TGFBR3: variants seen among roughly 807,000 people sequenced by gnomAD.
The protein encoded by TGFBR3 is transforming growth factor beta receptor type 3.
Under a neutral mutation model 87.9 loss-of-function variants are expected in TGFBR3, and 46 were observed. The ratio of observed to expected loss-of-function variants is 0.52; its 90% CI spans 0.41 to 0.67. The LOEUF is 0.67. TGFBR3 is among the 30% of genes least tolerant of loss of function. The pLI is 0.00. For synonymous variants in TGFBR3, 381 were observed against 391.6 expected, an observed-to-expected ratio of 0.97 and a Z score of 0.32; for missense variants, 866 against 1,041.9, an observed-to-expected ratio of 0.83 and a Z score of 2.32.
chr1:91,790,499 T>C (rs561201802), intron 3 of TGFBR3, among the ~76,000 whole-genome samples: 1 of 152,212 alleles, frequency 6.6e-6, no homozygotes, highest in South Asian at 2.1e-4. Flanking sequence ...GAAAACTAAA[T>C]GACCATTTCA....
intron 4 of TGFBR3, among the ~76,000 whole-genome samples, chr1:91,735,533 T>C (rs1474840803): frequency 6.6e-6 from 1 of 152,226 alleles, no homozygotes; most frequent in Non-Finnish European, 1.5e-5. Flanking sequence ...CATTGCTCTA[T>C]TTCATAAGAG....
At chr1:91,830,404 G>A (rs1676813453) in intron 2 of TGFBR3, among the ~76,000 whole-genome samples, 1 of 152,168 alleles carries the variant, frequency 6.6e-6, no homozygotes. Context: ...TCCAGGGGGA[G>A]CTCTGTCCAC....
chr1:91,695,191 CAAA>C (rs1294305758), intron 16 of TGFBR3, among the ~76,000 whole-genome samples: 2 of 147,392 alleles, frequency 1.4e-5, no homozygotes, highest in Non-Finnish European at 3.0e-5. Flanking sequence ...TATGTTTTAT[CAAA>C]GAAGACATAG....
chr1:91,836,313 C>T (rs765592258), intron 2 of TGFBR3, among the ~76,000 whole-genome samples: 64 of 152,042 alleles, frequency 4.2e-4, no homozygotes, highest in South Asian at 2.1e-4. Flanking sequence ...TAACCTAAAA[C>T]TTAACAATTG....
chr1:91,837,917 C>T (rs559515386), intron 2 of TGFBR3, among the ~76,000 whole-genome samples: 15 of 152,316 alleles, frequency 9.8e-5, no homozygotes, highest in Admixed American at 9.8e-4. Context: ...TACATATAAC[C>T]TTCATCTTTA....
At chr1:91,726,344 T>A (rs1216316033) in intron 7 of TGFBR3, among the ~76,000 whole-genome samples, 2 of 152,146 alleles carry the variant, frequency 1.3e-5, no homozygotes, top group Non-Finnish European at 2.9e-5. Context: ...ATTAAAAACA[T>A]TTGGCCGGTG....
chr1:91,833,941 A>G (rs1246059241), intron 2 of TGFBR3, among the ~76,000 whole-genome samples: 2 of 152,202 alleles, frequency 1.3e-5, no homozygotes, highest in African/African-American at 4.8e-5. Flanking sequence ...TTCCTTAATC[A>G]TCTGCTCAGA....
chr1:91,749,714 A>G (rs1673469801), intron 4 of TGFBR3, among the ~76,000 whole-genome samples: 1 of 152,206 alleles, frequency 6.6e-6, no homozygotes, highest in Admixed American at 6.5e-5. Flanking sequence ...ATCACTGTCT[A>G]TAATTTATGA....
intron 2 of TGFBR3, among the ~76,000 whole-genome samples, chr1:91,845,323 G>T (rs1036788760): frequency 1.3e-5 from 2 of 152,210 alleles, no homozygotes; most frequent in African/African-American, 4.8e-5. Context: ...AGACGCTGAG[G>T]CCTGTCAACA....
intron 7 of TGFBR3, 60 bp from the exon 8 acceptor site, chr1:91,722,204 A>C: frequency 7.6e-7 from 1 of 1,320,570 alleles, no homozygotes; most frequent in Non-Finnish European, 1.1e-6. Flanking sequence ...TTTAGATAAT[A>C]AAAATTAAAT....
chr1:91,715,100 C>T (rs372649592), intron 12 of TGFBR3, among the ~76,000 whole-genome samples: 2 of 152,162 alleles, frequency 1.3e-5, no homozygotes, highest in African/African-American at 4.8e-5. Context: ...CAGCTGAGCA[C>T]CAAAACCAGC....
chr1:91,724,681 A>C (rs1410132825), intron 7 of TGFBR3, among the ~76,000 whole-genome samples: 1 of 152,224 alleles, frequency 6.6e-6, no homozygotes, highest in Admixed American at 6.5e-5. Context: ...AGCTTTGAGC[A>C]AATTCTCACA....
chr1:91,832,720 G>A (rs952888300), intron 2 of TGFBR3, among the ~76,000 whole-genome samples: 4 of 152,126 alleles, frequency 2.6e-5, no homozygotes, highest in Middle Eastern at 3.2e-3. Flanking sequence ...CTCTGAATCG[G>A]GGTCACGCAT....
chr1:91,816,793 T>C (rs1676243922), intron 2 of TGFBR3, among the ~76,000 whole-genome samples: 1 of 152,232 alleles, frequency 6.6e-6, no homozygotes, highest in Non-Finnish European at 1.5e-5. Flanking sequence ...TTATATACAT[T>C]CTTTCATATC....
Position 91,680,811 on chromosome 1 carries a change from G to A in TGFBR3, c.*2928C>T, listed in dbSNP as rs1670884606. Reference sequence around the variant, plus strand: ...ACACACTCACAATCATGCCCACTAAGAACACAAGCAGGAAATGGATTTACA... The same window carrying A: ...ACACACTCACAATCATGCCCACTAAAAACACAAGCAGGAAATGGATTTACA... On this transcript the variant is annotated 3_prime_UTR_variant, in exon 17 of 17. Transcript: ENST00000212355. 1 of 452,456 alleles carries A rather than the reference G, an allele frequency of 2.2e-6. No individual in the cohort carries two copies. The highest frequency in any genetic ancestry group is 1.6e-5 in the South Asian group (1 of 64,182). The allele number at this position is 452,456 out of a possible 1,614,324, so 28.0% of individuals were successfully genotyped here.
intron 2 of TGFBR3, among the ~76,000 whole-genome samples, chr1:91,859,753 C>T (rs1272998579): frequency 6.6e-6 from 1 of 151,578 alleles, no homozygotes; most frequent in African/African-American, 2.4e-5. Flanking sequence ...ACTAAAAATA[C>T]AAAAAATTAG....
chr1:91,797,318 G>A lies in TGFBR3; in HGVS notation c.215C>T (p.Ala72Val), dbSNP rs751917590. 38 of 1,614,076 alleles carry A rather than the reference G, an allele frequency of 2.4e-5. No individual in the cohort carries two copies. The highest frequency in any genetic ancestry group is 3.1e-5 in the Non-Finnish European group (37 of 1,180,034). Residue 72 changes from alanine (A) to valine (V), a missense_variant, in exon 3 of 17, where the codon GCA becomes GTA. Transcript: ENST00000212355. Reference sequence around the variant, plus strand: ...CTGTAGCTGGCCAGGCCCCTGGCCTGCAGTGCGGAGATTCAGGACATGCAC... The same window carrying A: ...CTGTAGCTGGCCAGGCCCCTGGCCTACAGTGCGGAGATTCAGGACATGCAC... ...QEVHVLNLRT[A>V]GQGPGQLQRE... is the part of the protein sequence containing the mutation.
intron 6 of TGFBR3, among the ~76,000 whole-genome samples, chr1:91,729,273 C>T (rs552438312): frequency 2.8e-5 from 3 of 106,938 alleles, no homozygotes; most frequent in South Asian, 4.3e-4. Flanking sequence ...CCACCACACA[C>T]GTGCATGCGC....
intron 3 of TGFBR3, among the ~76,000 whole-genome samples, chr1:91,766,198 C>CTTTTTTTTTT (rs749978314): frequency 1.7e-5 from 2 of 114,458 alleles, no homozygotes; most frequent in African/African-American, 6.9e-5. Context: ...AGTTTGTTTT[C>CTTTTTTTTTT]TTTTTTTTTT....
Sources: gnomAD v4.1 joint callset for allele counts (sites outside exome capture counted in the v4.1 genomes callset) on GRCh38, gnomAD v4.1.1 for gene constraint, MANE v1.5 for transcripts, NCBI Gene and HGNC (gene_info 2026-07-23, HGNC 2026-07-21) for gene names.